NSD1: variants seen among roughly 807,000 people sequenced by gnomAD.
The protein encoded by NSD1 is nuclear receptor binding SET domain protein 1.
In NSD1, 26 loss-of-function variants were observed where a neutral mutation model predicts 242.7. The observed-to-expected ratio is 0.11, with a 90% confidence interval of 0.08 to 0.15. NSD1 has a LOEUF of 0.15. Among genes scored for constraint, NSD1 ranks in the 10% least tolerant of loss-of-function variants. The probability of loss-of-function intolerance (pLI) is 1.00; values close to 1 mark genes in which losing one functional copy is unlikely to be tolerated. For missense variants in NSD1, 2,495 were observed against 3,272.8 expected (o/e 0.76, Z 5.80); for synonymous variants, 1,106 against 1,178.1 (o/e 0.94, Z 1.25).
At chr5:177,148,241 G>C (rs564079463) in intron 2 of NSD1, among the ~76,000 whole-genome samples, 1 of 146,588 alleles carries the variant, frequency 6.8e-6, no homozygotes, top group Admixed American at 6.9e-5. Context: ...TCTCAGCCTC[G>C]CATGTAGCTG....
intron 2 of NSD1, among the ~76,000 whole-genome samples, chr5:177,182,109 G>C (rs1231641223): frequency 6.6e-6 from 1 of 150,752 alleles, no homozygotes; most frequent in Non-Finnish European, 1.5e-5. Flanking sequence ...TGGAGATCGC[G>C]CCACCGCACT....
intron 5 of NSD1, among the ~76,000 whole-genome samples, chr5:177,213,231 T>C (rs188107335): frequency 1.2e-3 from 180 of 152,324 alleles, no homozygotes; most frequent in Middle Eastern, 3.4e-3. Flanking sequence ...TTTTTCTTTT[T>C]TACAGCAATA....
intron 5 of NSD1, among the ~76,000 whole-genome samples, chr5:177,223,081 C>CTTTTTT (rs559743026): frequency 3.7e-5 from 5 of 136,514 alleles, no homozygotes; most frequent in East Asian, 2.1e-4. Flanking sequence ...TTTTCTTTTT[C>CTTTTTT]TTTTTTTTTT....
Position 177,239,998 on chromosome 5 carries a change from A to G in NSD1, c.4302+133A>G, listed in dbSNP as rs114680977. On this transcript the variant is annotated intron_variant, in intron 8 of 22. Coordinates refer to ENST00000439151, the MANE Select transcript of NSD1 (RefSeq NM_022455.5). ...TTAGTGTGTGTGTCAGCAGTCATAC[A>G]TGATCTGAGATTTCCTACATGAAAG... 1.9e-3 allele frequency: 1,180 copies of G among 621,936 alleles called. 9 individuals are homozygous for G. In the African/African-American group the frequency reaches 0.019, roughly 10 times the overall value. 38.5% of individuals were successfully genotyped at this position (621,936 alleles called of 1,614,324 possible).
chr5:177,188,606 C>G (rs1444077932), intron 2 of NSD1, among the ~76,000 whole-genome samples: 7 of 152,088 alleles, frequency 4.6e-5, no homozygotes, highest in Non-Finnish European at 8.8e-5. Context: ...TATAATGGAT[C>G]ATACAGTGTA....
In NSD1 at chr5:177,280,605, A is replaced by G; in HGVS notation, c.5663A>G (p.Asp1888Gly). 1 of 1,614,232 alleles carries G rather than the reference A, an allele frequency of 6.2e-7. No individual in the cohort carries two copies. Among genetic ancestry groups the G allele is most frequent in the Non-Finnish European group, 8.5e-7 (1 of 1,180,046 alleles). ...PIGRVQIFTADLSEIPRCNCK... is the reference protein window; with the variant it reads ...PIGRVQIFTAGLSEIPRCNCK... ...GGCAGGGTACAGATCTTCACTGCAG[A>G]CTTATCTGAAATACCCCGTTGCAAC... Residue 1888 changes from aspartate (D) to glycine (G), a missense_variant, in exon 18 of 23, where the codon GAC (aspartate) becomes GGC (glycine). Transcript: ENST00000439151.
intron 20 of NSD1, among the ~76,000 whole-genome samples, chr5:177,286,323 T>TC (rs1759326461): frequency 1.3e-5 from 2 of 152,234 alleles, no homozygotes; most frequent in South Asian, 4.1e-4. Flanking sequence ...CGTTTGTTTC[T>TC]CATAATGTTT....
intron 3 of NSD1, among the ~76,000 whole-genome samples, chr5:177,193,295 C>G (rs1205514954): frequency 6.6e-6 from 1 of 152,114 alleles, no homozygotes; most frequent in Non-Finnish European, 1.5e-5. Context: ...CGTCCGCCAC[C>G]ATGCCTGGCT....
At chr5:177,166,597 A>G (rs1343215126) in intron 2 of NSD1, among the ~76,000 whole-genome samples, 1 of 150,934 alleles carries the variant, frequency 6.6e-6, no homozygotes, top group Non-Finnish European at 1.5e-5. Flanking sequence ...AACTTCACCT[A>G]TTTTTTTTGT....
chr5:177,235,985 G>C (rs750512576), intron 6 of NSD1, 40 bp downstream of exon 6: 1 of 1,609,254 alleles, frequency 6.2e-7, no homozygotes, highest in Non-Finnish European at 8.5e-7. Context: ...CTGGTCCTTA[G>C]GAAACTGCAA....
rs1411745802 is a variant in NSD1 at position 177,173,400 on chromosome 5, A to T, written c.928-18484A>T. ...GTTGTCTGGCTGCTTTTGTGCTGTGATGGGAGGATTGAGTAATTTCGAGTG... is the reference window on the plus strand; with the variant it reads ...GTTGTCTGGCTGCTTTTGTGCTGTGTTGGGAGGATTGAGTAATTTCGAGTG... On this transcript the variant is annotated intron_variant, in intron 2 of 22. Coordinates refer to ENST00000439151, the MANE Select transcript of NSD1 (RefSeq NM_022455.5). Among the ~76,000 whole-genome samples, 4 of 145,256 alleles carry T rather than the reference A, an allele frequency of 2.8e-5. No individual in the cohort carries two copies. The East Asian group carries it at 6.4e-4, about 23-fold the overall frequency.
At position 177,269,169 on chromosome 5, in the gene NSD1, T is replaced by TA. The variant is rs758046492; in HGVS notation, c.5304-432dup. Among the ~76,000 whole-genome samples the TA allele has an allele frequency of 1.2e-3, 185 of 152,220 alleles. 2 individuals carry two copies. Among genetic ancestry groups the TA allele is most frequent in the Non-Finnish European group, 4.0e-4 (27 of 68,044 alleles). ...TCTTGGTGCTGTTCTCCCATATTCC[T>TA]ACTAATTATTGAAGGTTTCCTTTTT... On this transcript the variant is annotated intron_variant, in intron 15 of 22. Transcript: ENST00000439151. The surrounding 1 kb of genome is among the most constrained non-coding windows in gnomAD (Gnocchi z 5.1).
At chr5:177,140,241 T>C (rs934123041) in intron 2 of NSD1, among the ~76,000 whole-genome samples, 3 of 152,208 alleles carry the variant, frequency 2.0e-5, no homozygotes, top group Admixed American at 1.3e-4. Flanking sequence ...GTACAAAGGT[T>C]TTATGCTTTG....
At chr5:177,192,052 C>T (rs1188280985) in intron 3 of NSD1, 33 bp downstream of exon 3, 4 of 1,600,792 alleles carry the variant, frequency 2.5e-6, no homozygotes, top group Non-Finnish European at 2.6e-6. Flanking sequence ...ATGTTAAAGG[C>T]AGTTGCCTTT....
intron 10 of NSD1, among the ~76,000 whole-genome samples, chr5:177,247,499 G>A (rs1331719984): frequency 8.6e-5 from 13 of 151,834 alleles, no homozygotes; most frequent in Non-Finnish European, 2.9e-5. Flanking sequence ...GGCTGAGGTG[G>A]GAGGATCATA....
intron 3 of NSD1, among the ~76,000 whole-genome samples, chr5:177,192,452 A>T (rs1761770488): frequency 6.6e-6 from 1 of 151,988 alleles, no homozygotes; most frequent in East Asian, 1.9e-4. Context: ...GCTGGAGTGC[A>T]GTGGCGTGAT....
At chr5:177,226,577 G>C (rs1001418801) in intron 5 of NSD1, among the ~76,000 whole-genome samples, 2 of 152,140 alleles carry the variant, frequency 1.3e-5, no homozygotes, top group African/African-American at 4.8e-5. Context: ...TCCTGCCTCA[G>C]CCAAATAGCT....
intron 5 of NSD1, among the ~76,000 whole-genome samples, chr5:177,228,512 C>T (rs995310230): frequency 6.6e-5 from 10 of 151,688 alleles, no homozygotes; most frequent in African/African-American, 1.7e-4. Flanking sequence ...TCACCAGCCC[C>T]GGCCTAGGCT....
intron 7 of NSD1, among the ~76,000 whole-genome samples, chr5:177,239,117 T>C (rs760434677): frequency 3.7e-4 from 57 of 152,368 alleles, no homozygotes; most frequent in African/African-American, 6.0e-4. Flanking sequence ...GAATCCTCTT[T>C]TCTGTACCCC....
Sources: gnomAD v4.1 joint callset for allele counts (sites outside exome capture counted in the v4.1 genomes callset) on GRCh38, gnomAD v4.1.1 for gene constraint, Gnocchi (gnomAD v3.1) non-coding constraint, MANE v1.5 for transcripts, NCBI Gene and HGNC (gene_info 2026-07-23, HGNC 2026-07-21) for gene names.